The following CDH13 variants were observed in gnomAD, a reference collection of about 807,000 sequenced individuals.
The protein encoded by CDH13 is cadherin-13.
Under a neutral mutation model 63.8 loss-of-function variants are expected in CDH13, and 24 were observed. The observed-to-expected ratio is 0.38, with a 90% confidence interval of 0.27 to 0.53. The LOEUF (loss-of-function observed/expected upper bound fraction) is 0.53. Ranked by LOEUF, CDH13 falls within the 20% of genes least tolerant of loss-of-function variation. The pLI is 0.85. For synonymous variants in CDH13, 503 were observed against 355.3 expected (o/e 1.42, Z -4.67); for missense variants, 1,049 against 903.1 (o/e 1.16, Z -2.07).
intron 7 of CDH13, among the ~76,000 whole-genome samples, chr16:83,519,193 G>A (rs4782543): frequency 0.51 from 77,570 of 152,022 alleles, 20,723 homozygotes; most frequent in African/African-American, 0.67. Flanking sequence ...CTACATATAG[G>A]TGGAAGGAGA....
intron 1 of CDH13, among the ~76,000 whole-genome samples, chr16:82,820,542 C>T (rs907742540): frequency 2.0e-5 from 3 of 152,156 alleles, no homozygotes; most frequent in Non-Finnish European, 4.4e-5. Context: ...TCTGGAACTG[C>T]ACTGCAGTTA....
intron 5 of CDH13, among the ~76,000 whole-genome samples, chr16:83,300,068 G>A (rs2089696919): frequency 6.6e-6 from 1 of 152,184 alleles, no homozygotes; most frequent in Admixed American, 6.5e-5. Flanking sequence ...CTGTTCATTA[G>A]ATGCAAGTCA....
chr16:83,570,842 T>TATATATATAAATATAAATATATTTA (rs1567773553), intron 7 of CDH13, among the ~76,000 whole-genome samples: 10 of 118,180 alleles, frequency 8.5e-5, no homozygotes, highest in African/African-American at 2.8e-4. Context: ...ATTTATATTT[T>TATATATATAAATATAAATATATTTA]TATATATATA....
chr16:82,874,508 G>A (rs183452361), intron 2 of CDH13, among the ~76,000 whole-genome samples: 60 of 151,604 alleles, frequency 4.0e-4, no homozygotes, highest in Admixed American at 1.2e-3. Flanking sequence ...AAGCCAAAAC[G>A]ATTGTCAGCG....
chr16:83,632,001 G>C (rs906092615), intron 8 of CDH13, among the ~76,000 whole-genome samples: 3 of 152,212 alleles, frequency 2.0e-5, no homozygotes, highest in African/African-American at 7.2e-5. Flanking sequence ...TTCCAGCAAG[G>C]AAGCAGGTGC....
intron 5 of CDH13, among the ~76,000 whole-genome samples, chr16:83,288,684 A>C (rs2089388447): frequency 6.6e-6 from 1 of 152,208 alleles, no homozygotes; most frequent in Non-Finnish European, 1.5e-5. Context: ...CCTTTTCCCA[A>C]AGAATCGTCA....
chr16:83,597,432 T>C (rs1907373733), intron 7 of CDH13, among the ~76,000 whole-genome samples: 2 of 152,304 alleles, frequency 1.3e-5, no homozygotes, highest in African/African-American at 4.8e-5. Context: ...AATGTGTGTG[T>C]ATATAAATGT....
At chr16:83,334,842 A>C (rs1406489888) in intron 5 of CDH13, among the ~76,000 whole-genome samples, 1 of 152,116 alleles carries the variant, frequency 6.6e-6, no homozygotes, top group Non-Finnish European at 1.5e-5. Flanking sequence ...TAGATAGAGT[A>C]CTCTTACCCA....
chr16:83,268,119 A>G (rs1317125700), intron 5 of CDH13, among the ~76,000 whole-genome samples: 1 of 152,138 alleles, frequency 6.6e-6, no homozygotes, highest in Admixed American at 6.5e-5. Context: ...ATGGATATTA[A>G]CTCAGTGGTA....
intron 6 of CDH13, among the ~76,000 whole-genome samples, chr16:83,430,866 T>A (rs34890738): frequency 6.6e-6 from 1 of 151,840 alleles, no homozygotes; most frequent in Non-Finnish European, 1.5e-5. Flanking sequence ...GTGCACATTG[T>A]GCAGGTTAGT....
intron 6 of CDH13, among the ~76,000 whole-genome samples, chr16:83,480,400 C>T (rs2073731385): frequency 2.0e-5 from 3 of 152,176 alleles, no homozygotes; most frequent in African/African-American, 4.8e-5. Context: ...TAGCCCAGGT[C>T]CTCAGCCGGG....
intron 1 of CDH13, among the ~76,000 whole-genome samples, chr16:82,786,588 G>T (rs1342964229): frequency 6.6e-6 from 1 of 151,678 alleles, no homozygotes; most frequent in Non-Finnish European, 1.5e-5. Flanking sequence ...CATGTGCCAT[G>T]TTGGTGTGCT....
intron 6 of CDH13, among the ~76,000 whole-genome samples, chr16:83,358,837 T>C (rs2091105240): frequency 6.6e-6 from 1 of 152,168 alleles, no homozygotes; most frequent in South Asian, 2.1e-4. Context: ...CATTAGACAT[T>C]TTTATTAGGT....
chr16:83,615,358 C>T (rs956371109), intron 8 of CDH13, among the ~76,000 whole-genome samples: 1 of 152,112 alleles, frequency 6.6e-6, no homozygotes, highest in African/African-American at 2.4e-5. Flanking sequence ...GAACACATTT[C>T]AATTATCTGA....
intron 2 of CDH13, among the ~76,000 whole-genome samples, chr16:82,945,869 C>T (rs891215881): frequency 2.6e-5 from 4 of 152,142 alleles, no homozygotes; most frequent in African/African-American, 9.7e-5. Flanking sequence ...AAGACTCTTC[C>T]TCTGAGTCAT....
At chr16:82,842,747 A>G (rs2039086357) in intron 1 of CDH13, among the ~76,000 whole-genome samples, 1 of 152,134 alleles carries the variant, frequency 6.6e-6, no homozygotes, top group African/African-American at 2.4e-5. Flanking sequence ...TAGTTATACA[A>G]CTCACCAGAG....
rs866645648 is a variant in CDH13 at position 83,798,419 on chromosome 16, A to G, written c.*3389A>G. On this transcript the variant is annotated 3_prime_UTR_variant, in exon 14 of 14. Coordinates refer to ENST00000567109, the MANE Select transcript of CDH13 (RefSeq NM_001257.5). ...TTATAATAATGGTTTATATTTATCA[A>G]CTGCTTATTATGTGCCCACACTGTA... 6.6e-6 allele frequency: 1 copy of G among 152,234 alleles called. No individual in the cohort carries two copies. Among genetic ancestry groups the G allele is most frequent in the Non-Finnish European group, 1.5e-5 (1 of 68,030 alleles). The allele number at this position is 152,234 out of a possible 1,614,324, so 9.4% of individuals were successfully genotyped here.
intron 2 of CDH13, among the ~76,000 whole-genome samples, chr16:82,919,860 T>C (rs1294218599): frequency 2.0e-5 from 3 of 152,232 alleles, no homozygotes; most frequent in Non-Finnish European, 2.9e-5. Context: ...GGAAATATGC[T>C]AGAAAACAAA....
intron 2 of CDH13, among the ~76,000 whole-genome samples, chr16:82,887,276 A>C (rs1229612098): frequency 4.6e-5 from 7 of 152,200 alleles, no homozygotes; most frequent in Non-Finnish European, 1.0e-4. Context: ...AAGTAGTAAG[A>C]GTCTAATTTG....
Sources: allele counts gnomAD v4.1 joint callset (sites outside exome capture counted in the v4.1 genomes callset), GRCh38; gene constraint gnomAD v4.1.1; transcripts MANE v1.5; gene names NCBI Gene and HGNC (gene_info 2026-07-23, HGNC 2026-07-21).